Variants in GIGYF2 observed in about 807,000 individuals in gnomAD.
GIGYF2 encodes the protein GRB10-interacting GYF protein 2.
A neutral mutation model predicts 208.1 loss-of-function variants in GIGYF2; 25 were observed. The observed-to-expected ratio is 0.12, with a 90% CI of 0.09 to 0.17. The LOEUF (loss-of-function observed/expected upper bound fraction) is 0.17, where lower values mean the gene tolerates loss of function less well. GIGYF2 is among the 10% of genes least tolerant of loss of function. The pLI, the probability that GIGYF2 is intolerant of heterozygous loss-of-function variation, is 1.00. For synonymous variants in GIGYF2, 534 were observed against 543.8 expected, an observed-to-expected ratio of 0.98 and a Z score of 0.25; for missense variants, 1,302 against 1,579.4, an observed-to-expected ratio of 0.82 and a Z score of 2.98.
chr2:232,774,444 C>T (rs1699426071), intron 8 of GIGYF2, among the ~76,000 whole-genome samples: 1 of 152,112 alleles, frequency 6.6e-6, no homozygotes, highest in Non-Finnish European at 1.5e-5. Flanking sequence ...TTTTGCACAT[C>T]AGTAAAATTA....
chr2:232,837,651 A>G (rs1701682193), intron 22 of GIGYF2, among the ~76,000 whole-genome samples: 1 of 151,490 alleles, frequency 6.6e-6, no homozygotes, highest in African/African-American at 2.4e-5. Context: ...TAGAAATGGG[A>G]TTTTGCCATG....
At position 232,832,870 on chromosome 2, in the gene GIGYF2, CA is replaced by C; in HGVS notation, c.2547del (p.Lys849AsnfsTer13). The C allele has an allele frequency of 6.4e-7, 1 of 1,553,898 alleles. No homozygotes were observed. The highest frequency in any genetic ancestry group is 8.7e-7 in the Non-Finnish European group (1 of 1,148,408). ...CCTTCTGGAAAGGAAGAGGAGGCTG[CA>C]AAATGGGCCCGGGAAGAAGAAGAAG... ...ELLRKQEEEAAKWAREEEEAQ... is the reference protein window; with the variant it reads ...ELLRKQEEEAXKWAREEEEAQ... On this transcript the variant is annotated frameshift_variant, in exon 22 of 29. Transcript: ENST00000373563. LOFTEE classifies it high-confidence loss of function.
chr2:232,724,482 C>T (rs1697104965), intron 2 of GIGYF2: 1 of 152,028 alleles, frequency 6.6e-6, no homozygotes, highest in African/African-American at 2.4e-5. Context: ...TTCTTCAGAT[C>T]ATCAATAAGT....
At chr2:232,729,360 C>A (rs1697348092) in intron 2 of GIGYF2, among the ~76,000 whole-genome samples, 1 of 152,054 alleles carries the variant, frequency 6.6e-6, no homozygotes, top group African/African-American at 2.4e-5. Flanking sequence ...TTAAATGTTG[C>A]CCTAAGCTGC....
intron 21 of GIGYF2, among the ~76,000 whole-genome samples, chr2:232,821,891 T>C (rs1263312437): frequency 6.6e-6 from 1 of 152,048 alleles, no homozygotes; most frequent in African/African-American, 2.4e-5. Flanking sequence ...AAGTCTTTAC[T>C]TTTTCTATTG....
chr2:232,805,807 A>G (rs1341056400), intron 14 of GIGYF2, among the ~76,000 whole-genome samples: 1 of 152,204 alleles, frequency 6.6e-6, no homozygotes, highest in Non-Finnish European at 1.5e-5. Context: ...GAATAGGGAA[A>G]AGTACATCTA....
In GIGYF2 at chr2:232,850,330, A is replaced by G. The variant is rs747349823; in HGVS notation, c.3753A>G (p.Gln1251=). 1.1e-5 allele frequency: 17 copies of G among 1,613,830 alleles called. 1 individual carries two copies. In the Middle Eastern group the frequency reaches 1.3e-3, roughly 125 times the overall value. ...TTCAGACCAATCAAAGCAACAACCA[A>G]CAATCCAATTTTGAGGCTGTGCAGA... is the stretch of plus-strand genomic sequence containing the variant. ...SVFQTNQSNN[Q]QSNFEAVQSG... The change falls in exon 28 of 29, where the codon CAA becomes CAG. Residue 1251 remains glutamine (Q), a synonymous_variant. Coordinates refer to ENST00000373563, the MANE Select transcript of GIGYF2 (RefSeq NM_001103146.3).
intron 3 of GIGYF2, chr2:232,736,613 T>A (rs1697745066): frequency 6.6e-6 from 1 of 152,206 alleles, no homozygotes; most frequent in African/African-American, 2.4e-5. Context: ...ATAGAAGCTG[T>A]TCTTGATTTT....
chr2:232,698,893 TC>T (rs1275359343), intron 1 of GIGYF2, among the ~76,000 whole-genome samples: 40 of 152,216 alleles, frequency 2.6e-4, no homozygotes, highest in African/African-American at 7.0e-4. Flanking sequence ...ACCATGTGCT[TC>T]CATTCATTTG....
At chr2:232,855,961 C>T (rs936179615) in intron 28 of GIGYF2, among the ~76,000 whole-genome samples, 4 of 151,684 alleles carry the variant, frequency 2.6e-5, no homozygotes, top group Non-Finnish European at 5.9e-5. Context: ...GACAGAGTCT[C>T]GCTCTGTCAC....
chr2:232,758,401 T>C (rs13021246), intron 6 of GIGYF2, among the ~76,000 whole-genome samples: 48,198 of 152,110 alleles, frequency 0.32, 8,006 homozygotes, highest in South Asian at 0.62. Flanking sequence ...TTGACAGAGC[T>C]CTCAACTATT....
intron 8 of GIGYF2, among the ~76,000 whole-genome samples, chr2:232,786,917 CA>C (rs1283331119): frequency 1.3e-5 from 2 of 151,586 alleles, no homozygotes; most frequent in African/African-American, 4.8e-5. Context: ...TACGCTTTTT[CA>C]AAAAAAATTT....
At chr2:232,740,916 G>C (rs1243273016) in intron 3 of GIGYF2, among the ~76,000 whole-genome samples, 1 of 152,152 alleles carries the variant, frequency 6.6e-6, no homozygotes, top group Non-Finnish European at 1.5e-5. Flanking sequence ...TATTTTGGAA[G>C]CAAATATTTG....
Position 232,816,720 on chromosome 2 carries a change from T to C in GIGYF2, c.2209-151T>C, listed in dbSNP as rs1425459473. 1.2e-5 allele frequency: 8 copies of C among 690,168 alleles called. No individual in the cohort carries two copies. The East Asian group carries it at 1.9e-4, about 16-fold the overall frequency. 42.8% of individuals were successfully genotyped at this position (690,168 alleles called of 1,614,324 possible). Reference sequence around the variant, plus strand: ...TATTCCATTGTATGTATATAACATATTTTGTTTATCTATTGATCTGTTGGA... The same window carrying C: ...TATTCCATTGTATGTATATAACATACTTTGTTTATCTATTGATCTGTTGGA... On this transcript the variant is annotated intron_variant, in intron 19 of 28. Transcript: ENST00000373563.
At chr2:232,778,371 G>A (rs35778045) in intron 8 of GIGYF2, among the ~76,000 whole-genome samples, 28,608 of 152,194 alleles carry the variant, frequency 0.19, 2,939 homozygotes, top group Non-Finnish European at 0.22. Flanking sequence ...AGAAAGAAAT[G>A]TCTTAAGTGA....
chr2:232,828,214 TG>T (rs1421663027), intron 21 of GIGYF2, among the ~76,000 whole-genome samples: 2 of 152,198 alleles, frequency 1.3e-5, no homozygotes, highest in African/African-American at 4.8e-5. Flanking sequence ...CTTGAACTCC[TG>T]GGCTCAAGCA....
At chr2:232,749,357 G>A (rs193178406) in intron 5 of GIGYF2, among the ~76,000 whole-genome samples, 10 of 152,306 alleles carry the variant, frequency 6.6e-5, no homozygotes, top group African/African-American at 2.4e-4. Flanking sequence ...GATTCTTGGG[G>A]AGGGGAGAAA....
intron 13 of GIGYF2, 99 bp downstream of exon 13, chr2:232,795,043 T>A: frequency 1.1e-6 from 1 of 887,918 alleles, no homozygotes; most frequent in Non-Finnish European, 1.9e-6. Flanking sequence ...GTCACTAGAT[T>A]TTAAGTACTG....
intron 2 of GIGYF2, among the ~76,000 whole-genome samples, chr2:232,727,367 A>G (rs1407670286): frequency 6.6e-6 from 1 of 152,232 alleles, no homozygotes; most frequent in Non-Finnish European, 1.5e-5. Flanking sequence ...AGAATAAGGT[A>G]TAGTGTATGA....
Sources: allele counts gnomAD v4.1 joint callset (sites outside exome capture counted in the v4.1 genomes callset), GRCh38; gene constraint gnomAD v4.1.1; transcripts MANE v1.5; gene names NCBI Gene and HGNC (gene_info 2026-07-23, HGNC 2026-07-21).